Variants in GALNT5 observed in about 807,000 individuals in gnomAD.
GALNT5 encodes the protein UDP-GalNAc:polypeptide N-acetylgalactosaminyltransferase 5.
Under a neutral mutation model 85.4 loss-of-function variants are expected in GALNT5, and 72 were observed. The observed-to-expected ratio is 0.84, with a 90% CI of 0.70 to 1.03. The LOEUF (loss-of-function observed/expected upper bound fraction) is 1.03, where lower values mean the gene tolerates loss of function less well. Among genes scored for constraint, GALNT5 ranks in the 50% least tolerant of loss-of-function variants. The pLI, the probability that GALNT5 is intolerant of heterozygous loss-of-function variation, is 0.00. For missense variants in GALNT5, 1,137 were observed against 1,135.5 expected (o/e 1.00, Z -0.02); for synonymous variants, 404 against 397.0 (o/e 1.02, Z -0.21).
intron 3 of GALNT5, among the ~76,000 whole-genome samples, chr2:157,291,171 A>T (rs1365828731): frequency 5.3e-5 from 8 of 152,184 alleles, no homozygotes; most frequent in Admixed American, 5.2e-4. Context: ...AGACCAAGTG[A>T]TTTACTGCCC....
chr2:157,274,700 G>C (rs1022796156), intron 1 of GALNT5, among the ~76,000 whole-genome samples: 1 of 152,042 alleles, frequency 6.6e-6, no homozygotes, highest in Non-Finnish European at 1.5e-5. Flanking sequence ...TTGTACATTT[G>C]TTTGAGTTCT....
intron 1 of GALNT5, among the ~76,000 whole-genome samples, chr2:157,271,660 C>A (rs1349279349): frequency 6.6e-6 from 1 of 151,958 alleles, no homozygotes; most frequent in Non-Finnish European, 1.5e-5. Flanking sequence ...AGGTGGGTGG[C>A]GATGCCATTA....
In GALNT5 at chr2:157,315,121, A is replaced by C. The variant is rs931676041; in HGVS notation, c.*3773A>C. Among the ~76,000 whole-genome samples the C allele has an allele frequency of 1.3e-5, 2 of 152,146 alleles. No individual in the cohort carries two copies. The highest frequency in any genetic ancestry group is 1.3e-4 in the Admixed American group (2 of 15,270). On this transcript the variant is annotated 3_prime_UTR_variant, in exon 10 of 10. Coordinates refer to ENST00000259056, the MANE Select transcript of GALNT5 (RefSeq NM_014568.3). ...TTTTTACCTCAGAAGAAAGCCCCAA[A>C]ATCTTGGATTAAAACAAAAAAATGA...
intron 3 of GALNT5, among the ~76,000 whole-genome samples, chr2:157,287,976 C>T (rs1683014117): frequency 6.6e-6 from 1 of 152,190 alleles, no homozygotes; most frequent in Non-Finnish European, 1.5e-5. Flanking sequence ...GTGCCTTATG[C>T]AAGCTCCCCC....
In GALNT5 at chr2:157,288,934, T is replaced by C. The variant is rs916935922; in HGVS notation, c.1741+2800T>C. ...AGATAAGATGTGAAGAGAATAAGAA[T>C]GACACCAATCAGAAACAAACCCTAG... is the stretch of plus-strand genomic sequence containing the variant. On this transcript the variant is annotated intron_variant, in intron 3 of 9. Coordinates refer to ENST00000259056, the MANE Select transcript of GALNT5 (RefSeq NM_014568.3). 1.5e-3 allele frequency among the ~76,000 whole-genome samples: 223 copies of C among 152,244 alleles called. 1 individual carries two copies. The highest frequency in any genetic ancestry group is 5.1e-3 in the African/African-American group (211 of 41,552).
rs1351061984 is a variant in GALNT5 at position 157,308,695 on chromosome 2, G to A, written c.2649G>A (p.Leu883=). 1 of 1,612,940 alleles carries A rather than the reference G, an allele frequency of 6.2e-7. No homozygotes were observed. Among genetic ancestry groups the A allele is most frequent in the African/African-American group, 1.3e-5 (1 of 74,858 alleles). ...ACAGAAACAAAGGGCTAAAATGGCT[G>A]CATAAATCAACATCAGTCTTTCATC... ...CDNRNKGLKW[L]HKSTSVFHPE... is the part of the protein sequence containing the mutation. Residue 883 remains leucine (L), a synonymous_variant, in exon 9 of 10, where the codon CTG becomes CTA. Coordinates refer to ENST00000259056, the MANE Select transcript of GALNT5 (RefSeq NM_014568.3).
Position 157,259,351 on chromosome 2 carries a change from G to A in GALNT5, c.1269G>A (p.Val423=). ...LLPEDSGTHQ[V]LRIDVTLSPR... ...CTGAAGACAGTGGAACGCACCAGGT[G>A]TTAAGAATTGATGTGACACTTTCTC... Residue 423 remains valine (V), a synonymous_variant, in exon 1 of 10, where the codon GTG becomes GTA. Transcript: ENST00000259056. 1.3e-6 allele frequency: 2 copies of A among 1,535,354 alleles called. No individual in the cohort carries two copies. Among genetic ancestry groups the A allele is most frequent in the Non-Finnish European group, 1.8e-6 (2 of 1,140,684 alleles).
At chr2:157,304,479 T>C (rs951763014) in intron 7 of GALNT5, among the ~76,000 whole-genome samples, 2 of 152,234 alleles carry the variant, frequency 1.3e-5, no homozygotes, top group Admixed American at 6.5e-5. Flanking sequence ...TCATCTCAAA[T>C]CCAAATGAAG....
At chr2:157,270,631 T>C (rs532132491) in intron 1 of GALNT5, among the ~76,000 whole-genome samples, 3 of 152,340 alleles carry the variant, frequency 2.0e-5, no homozygotes, top group African/African-American at 7.2e-5. Context: ...CATCCATTCA[T>C]TCATGCATTC....
At chr2:157,278,798 T>A (rs1388640085) in intron 1 of GALNT5, among the ~76,000 whole-genome samples, 3 of 152,134 alleles carry the variant, frequency 2.0e-5, no homozygotes, top group Non-Finnish European at 2.9e-5. Flanking sequence ...ATTACCGACC[T>A]TCTGAAGCCT....
chr2:157,291,629 A>AACCCCCC (rs1683101293), intron 3 of GALNT5, among the ~76,000 whole-genome samples: 1 of 60,702 alleles, frequency 1.6e-5, no homozygotes, highest in Non-Finnish European at 3.9e-5. Flanking sequence ...TTATGTTACC[A>AACCCCCC]CCCACCCCCC....
Position 157,295,672 on chromosome 2 carries a change from T to G in GALNT5, c.1751T>G (p.Leu584Trp). The G allele has an allele frequency of 6.2e-7, 1 of 1,612,994 alleles. No homozygotes were observed. Among genetic ancestry groups the G allele is most frequent in the South Asian group, 1.1e-5 (1 of 90,902 alleles). ...GTGTTTGGCCCTCTAGGTGATGTGT[T>G]GACATTTTTAGATTCTCATGTGGAA... is the stretch of plus-strand genomic sequence containing the variant. ...AGAQNATGDV[L>W]TFLDSHVECN... is the part of the protein sequence containing the mutation. Residue 584 changes from leucine (L) to tryptophan (W), a missense_variant, in exon 4 of 10, where the codon TTG becomes TGG. Coordinates refer to ENST00000259056, the MANE Select transcript of GALNT5 (RefSeq NM_014568.3).
chr2:157,301,408 G>A (rs186871512), intron 7 of GALNT5: 9 of 214,458 alleles, frequency 4.2e-5, no homozygotes, highest in African/African-American at 1.4e-4. Flanking sequence ...CTCAGTTAGA[G>A]TGGCTGAGAA....
In GALNT5 at chr2:157,284,423, G is replaced by C. The variant is rs748934341; in HGVS notation, c.1596G>C (p.Leu532=). The stretch of plus-strand genomic sequence containing the variant: ...CTCCACACCTCATCAAGGAGATTCT[G>C]CTGGTAGATGACTTCAGCACCAAAG... ...RSPPHLIKEI[L]LVDDFSTKDY... The change falls in exon 2 of 10, where the codon CTG becomes CTC. Residue 532 remains leucine (L), a synonymous_variant. Transcript: ENST00000259056. The C allele has an allele frequency of 3.1e-6, 5 of 1,613,874 alleles. No individual in the cohort carries two copies. The African/African-American group carries it at 5.3e-5, about 17-fold the overall frequency.
At chr2:157,303,470 T>C (rs547329449) in intron 7 of GALNT5, among the ~76,000 whole-genome samples, 2 of 151,776 alleles carry the variant, frequency 1.3e-5, no homozygotes, top group Admixed American at 6.5e-5. Flanking sequence ...TAATACAACA[T>C]GGATAATTTA....
intron 2 of GALNT5, among the ~76,000 whole-genome samples, chr2:157,285,665 G>A (rs188421983): frequency 9.9e-5 from 15 of 152,280 alleles, no homozygotes; most frequent in African/African-American, 2.9e-4. Context: ...TGCAAGAGGT[G>A]GGGCTGAGAG....
At chr2:157,285,328 T>C (rs1298214915) in intron 2 of GALNT5, among the ~76,000 whole-genome samples, 1 of 152,154 alleles carries the variant, frequency 6.6e-6, no homozygotes, top group Non-Finnish European at 1.5e-5. Flanking sequence ...TAGGAGTCCC[T>C]TTATGAGGGG....
At chr2:157,269,067 G>C (rs1682522440) in intron 1 of GALNT5, among the ~76,000 whole-genome samples, 1 of 152,086 alleles carries the variant, frequency 6.6e-6, no homozygotes, top group African/African-American at 2.4e-5. Flanking sequence ...TACAACCTAT[G>C]CCAACTAGAT....
At chr2:157,276,860 T>C (rs1308750541) in intron 1 of GALNT5, among the ~76,000 whole-genome samples, 1 of 152,170 alleles carries the variant, frequency 6.6e-6, no homozygotes, top group Non-Finnish European at 1.5e-5. Flanking sequence ...TGCCTTCTGC[T>C]AGCTTTTGAA....
Sources: gnomAD v4.1 joint callset for allele counts (sites outside exome capture counted in the v4.1 genomes callset) on GRCh38, gnomAD v4.1.1 for gene constraint, MANE v1.5 for transcripts, NCBI Gene and HGNC (gene_info 2026-07-23, HGNC 2026-07-21) for gene names.